Variants in SEPTIN9 observed in about 807,000 individuals in gnomAD.
SEPTIN9 encodes septin 9.
In SEPTIN9, 13 loss-of-function variants were observed where a neutral mutation model predicts 56.6. The observed-to-expected ratio is 0.23, with a 90% CI of 0.15 to 0.37. SEPTIN9 has a LOEUF of 0.37. Ranked by LOEUF, SEPTIN9 falls within the 10% of genes least tolerant of loss-of-function variation. The probability of loss-of-function intolerance (pLI) is 1.00; values close to 1 mark genes in which losing one functional copy is unlikely to be tolerated. For missense variants in SEPTIN9, 650 were observed against 823.1 expected, an observed-to-expected ratio of 0.79 and a Z score of 2.57; for synonymous variants, 332 against 334.1, an observed-to-expected ratio of 0.99 and a Z score of 0.07.
intron 3 of SEPTIN9, among the ~76,000 whole-genome samples, chr17:77,480,469 C>G (rs972451317): frequency 1.3e-5 from 2 of 152,230 alleles, no homozygotes; most frequent in South Asian, 4.1e-4. Flanking sequence ...GTTCTTGCCC[C>G]GCAAGTGGAA....
At chr17:77,432,804 A>G (rs1209681449) in intron 3 of SEPTIN9, among the ~76,000 whole-genome samples, 2 of 152,384 alleles carry the variant, frequency 1.3e-5, no homozygotes, top group South Asian at 2.1e-4. Context: ...TCTGGAAGCC[A>G]TCAAGAGGGG....
At chr17:77,383,190 C>CCCTCCT (rs2035209719) in intron 2 of SEPTIN9, among the ~76,000 whole-genome samples, 1 of 147,986 alleles carries the variant, frequency 6.8e-6, no homozygotes, top group Non-Finnish European at 1.5e-5. Flanking sequence ...CCTTCTCTCC[C>CCCTCCT]TCCCTCCCTC....
chr17:77,372,578 AG>A (rs2034754997), intron 2 of SEPTIN9, among the ~76,000 whole-genome samples: 1 of 152,176 alleles, frequency 6.6e-6, no homozygotes, highest in African/African-American at 2.4e-5. Context: ...TCCTGCTCTC[AG>A]GAGGCCCTTA....
At chr17:77,355,913 C>T (rs929862927) in intron 2 of SEPTIN9, among the ~76,000 whole-genome samples, 4 of 143,188 alleles carry the variant, frequency 2.8e-5, no homozygotes, top group East Asian at 2.2e-4. Context: ...ACCCAGGAGG[C>T]GGAGCTTGCA....
In SEPTIN9 at chr17:77,300,971, C is replaced by T. The variant is rs1386677948; in HGVS notation, c.20-6170C>T. 2.9e-5 allele frequency among the ~76,000 whole-genome samples: 4 copies of T among 139,806 alleles called. No individual in the cohort carries two copies. In the East Asian group the frequency reaches 8.8e-4, roughly 31 times the overall value. The allele number at this position is 139,806 out of a possible 152,430, so 91.7% of individuals were successfully genotyped here. A position where few individuals can be genotyped will look rare whatever the true frequency, so the allele number is the denominator to read the frequency against. On this transcript the variant is annotated intron_variant, in intron 1 of 11. Transcript: ENST00000427177. ...ACCCCCACCCCAGGCTCAAAGCATC[C>T]CCACCCCAGGCTCAAAGTGCCCGCA...
chr17:77,325,399 C>T (rs2033095724), intron 2 of SEPTIN9, among the ~76,000 whole-genome samples: 1 of 152,216 alleles, frequency 6.6e-6, no homozygotes. Flanking sequence ...GCTGGTTCCG[C>T]TGGGTGGCGG....
rs546582434 is a variant in SEPTIN9, at chr17:77,436,131, T to C, written c.721+33428T>C. On this transcript the variant is annotated intron_variant, in intron 3 of 11. Coordinates refer to ENST00000427177, the MANE Select transcript of SEPTIN9 (RefSeq NM_001113491.2). The surrounding 1 kb of genome is among the most constrained non-coding windows in gnomAD (Gnocchi z 4.4). Reference sequence around the variant, plus strand: ...CTGCCTTTCCACCCTGCGGGCCTGGTTGGGGAGTGTGAGGATGCCTGCTGG... The same window carrying C: ...CTGCCTTTCCACCCTGCGGGCCTGGCTGGGGAGTGTGAGGATGCCTGCTGG... Among the ~76,000 whole-genome samples the C allele has an allele frequency of 3.9e-4, 60 of 152,174 alleles. No homozygotes were observed. Among genetic ancestry groups the C allele is most frequent in the Admixed American group, 1.3e-3 (20 of 15,286 alleles).
intron 2 of SEPTIN9, chr17:77,320,420 G>A: frequency 7.4e-7 from 1 of 1,344,576 alleles, no homozygotes; most frequent in Non-Finnish European, 1.1e-6. Context: ...TATGCCTGGG[G>A]GAATAAGCAT....
rs1172202006 is a variant in SEPTIN9 at position 77,421,100 on chromosome 17, C to T, written c.721+18397C>T. 6.6e-6 allele frequency among the ~76,000 whole-genome samples: 1 copy of T among 152,170 alleles called. No homozygotes were observed. Among genetic ancestry groups the T allele is most frequent in the Non-Finnish European group, 1.5e-5 (1 of 68,024 alleles). On this transcript the variant is annotated intron_variant, in intron 3 of 11. Coordinates refer to ENST00000427177, the MANE Select transcript of SEPTIN9 (RefSeq NM_001113491.2). This position sits in a 1 kb window ranked among gnomAD's most constrained non-coding sequence, Gnocchi z 4.6. ...TCTGCCGTCGCTGACTCCCGGGCTACCTGGAGTGATAACACAGCCCAGTGT... is the reference window on the plus strand; with the variant it reads ...TCTGCCGTCGCTGACTCCCGGGCTATCTGGAGTGATAACACAGCCCAGTGT...
chr17:77,410,010 C>T (rs1337939624), intron 3 of SEPTIN9, among the ~76,000 whole-genome samples: 1 of 152,162 alleles, frequency 6.6e-6, no homozygotes, highest in African/African-American at 2.4e-5. Context: ...CAGTTGGACT[C>T]CACTTCCTCT....
rs1277622743 is a variant in SEPTIN9 at position 77,310,619 on chromosome 17, C to T, written c.76+3422C>T. ...TGGATTTGGCTGGGCTGTGGAGATG[C>T]GCTTCTCAGCCCTTCTAGATGTTAC... On this transcript the variant is annotated intron_variant, in intron 2 of 11. Transcript: ENST00000427177. The surrounding 1 kb of genome is among the most constrained non-coding windows in gnomAD (Gnocchi z 4.7). Among the ~76,000 whole-genome samples, 6 of 152,122 alleles carry T rather than the reference C, an allele frequency of 3.9e-5. No homozygotes were observed. Among genetic ancestry groups the T allele is most frequent in the African/African-American group, 1.2e-4 (5 of 41,404 alleles).
Position 77,435,393 on chromosome 17 carries a change from A to G in SEPTIN9, c.721+32690A>G, listed in dbSNP as rs1488655673. Among the ~76,000 whole-genome samples the G allele has an allele frequency of 6.6e-6, 1 of 152,072 alleles. No homozygotes were observed. Among genetic ancestry groups the G allele is most frequent in the Non-Finnish European group, 1.5e-5 (1 of 67,992 alleles). On this transcript the variant is annotated intron_variant, in intron 3 of 11. Transcript: ENST00000427177. The surrounding 1 kb of genome is among the most constrained non-coding windows in gnomAD (Gnocchi z 4.5). ...ATTCTGTGGCTTCTTGAGGTGGCTC[A>G]CCCCTAAACACGCCCCCCATGGTGG...
At chr17:77,484,758 T>G in intron 4 of SEPTIN9, among the ~76,000 whole-genome samples, 2 of 107,398 alleles carry the variant, frequency 1.9e-5, no homozygotes, top group African/African-American at 9.2e-5. Context: ...GTTGTGATGG[T>G]GGTGATGTGG....
Position 77,487,350 on chromosome 17 carries a change from G to A in SEPTIN9, c.914-74G>A. The A allele has an allele frequency of 6.6e-7, 1 of 1,509,548 alleles. No homozygotes were observed. 93.5% of individuals were successfully genotyped at this position (1,509,548 alleles called of 1,614,324 possible). ...AGACTGGAGAGCCTCGTGCCTGGGT[G>A]GGAGGGGCCCCATGTGCAGACCCTG... On this transcript the variant is annotated intron_variant, in intron 4 of 11. Coordinates refer to ENST00000427177, the MANE Select transcript of SEPTIN9 (RefSeq NM_001113491.2). The surrounding 1 kb of genome is among the most constrained non-coding windows in gnomAD (Gnocchi z 4.3).
intron 3 of SEPTIN9, among the ~76,000 whole-genome samples, chr17:77,463,184 G>A (rs2038560037): frequency 6.6e-6 from 1 of 152,190 alleles, no homozygotes. Context: ...AGGTCAGTGA[G>A]TTCTTCTTGG....
Position 77,451,638 on chromosome 17 carries a change from C to A in SEPTIN9, c.722-30506C>A. ...TGGCCATGGTGGCGGTGCCGGGAGCCACGCTGTCCCTGGGCCCCGGCCCGA... is the reference window on the plus strand; with the variant it reads ...TGGCCATGGTGGCGGTGCCGGGAGCAACGCTGTCCCTGGGCCCCGGCCCGA... On this transcript the variant is annotated intron_variant, in intron 3 of 11. Transcript: ENST00000427177. This position sits in a 1 kb window ranked among gnomAD's most constrained non-coding sequence, Gnocchi z 4.2. 1.2e-6 allele frequency: 1 copy of A among 840,648 alleles called. No individual in the cohort carries two copies. Among genetic ancestry groups the A allele is most frequent in the Non-Finnish European group, 1.4e-6 (1 of 697,578 alleles). The allele number at this position is 840,648 out of a possible 1,614,324, so 52.1% of individuals were successfully genotyped here.
At position 77,499,394 on chromosome 17, in the gene SEPTIN9, C is replaced by T. The variant is rs926171486; in HGVS notation, c.*736C>T. The T allele has an allele frequency of 3.7e-6, 2 of 546,758 alleles. No individual in the cohort carries two copies. The highest frequency in any genetic ancestry group is 7.1e-6 in the Non-Finnish European group (2 of 282,516). The allele number at this position is 546,758 out of a possible 1,614,324, so 33.9% of individuals were successfully genotyped here. On this transcript the variant is annotated 3_prime_UTR_variant, in exon 12 of 12. Coordinates refer to ENST00000427177, the MANE Select transcript of SEPTIN9 (RefSeq NM_001113491.2). ...TCCCCCTCTCACGCCACCCCCGCCC[C>T]CACCGGGCTGCAGGTGCTGCTGATG...
In SEPTIN9 at chr17:77,492,439, A is replaced by G. The variant is rs2040070400; in HGVS notation, c.1381-182A>G. 6.6e-6 allele frequency among the ~76,000 whole-genome samples: 1 copy of G among 152,114 alleles called. No homozygotes were observed. Among genetic ancestry groups the G allele is most frequent in the Non-Finnish European group, 1.5e-5 (1 of 68,004 alleles). On this transcript the variant is annotated intron_variant, in intron 8 of 11. Coordinates refer to ENST00000427177, the MANE Select transcript of SEPTIN9 (RefSeq NM_001113491.2). This position sits in a 1 kb window ranked among gnomAD's most constrained non-coding sequence, Gnocchi z 5.4. Reference sequence around the variant, plus strand: ...CGCTCAGGACAGCAGGTGCACCTGCAGCTGCCCCTCTTCCCTCCAGGAGGC... The same window carrying G: ...CGCTCAGGACAGCAGGTGCACCTGCGGCTGCCCCTCTTCCCTCCAGGAGGC...
rs776857008 is a variant in SEPTIN9, at chr17:77,402,021, T to A, written c.77-38T>A. On this transcript the variant is annotated intron_variant, in intron 2 of 11. Coordinates refer to ENST00000427177, the MANE Select transcript of SEPTIN9 (RefSeq NM_001113491.2). This position sits in a 1 kb window ranked among gnomAD's most constrained non-coding sequence, Gnocchi z 6.6. Reference sequence around the variant, plus strand: ...AACATGCCGGAGTGTTCCCTAGCCATCCATTCACCAATTGCATCCCCTCTC... The same window carrying A: ...AACATGCCGGAGTGTTCCCTAGCCAACCATTCACCAATTGCATCCCCTCTC... The A allele has an allele frequency of 1.9e-6, 3 of 1,595,678 alleles. No individual in the cohort carries two copies. In the South Asian group the frequency reaches 3.4e-5, roughly 18 times the overall value.
Sources: gnomAD v4.1 joint callset for allele counts (sites outside exome capture counted in the v4.1 genomes callset) on GRCh38, gnomAD v4.1.1 for gene constraint, Gnocchi (gnomAD v3.1) non-coding constraint, MANE v1.5 for transcripts, NCBI Gene and HGNC (gene_info 2026-07-23, HGNC 2026-07-21) for gene names.